HNF4G: variants seen among roughly 807,000 people sequenced by gnomAD.
HNF4G encodes the protein hepatocyte nuclear factor 4-gamma.
A neutral mutation model predicts 50.9 loss-of-function variants in HNF4G; 21 were observed. The ratio of observed to expected loss-of-function variants is 0.41; its 90% CI spans 0.29 to 0.59. The LOEUF (loss-of-function observed/expected upper bound fraction) is 0.59. HNF4G is among the 20% of genes least tolerant of loss of function. The probability of loss-of-function intolerance (pLI) is 0.26; values close to 1 mark genes in which losing one functional copy is unlikely to be tolerated. For synonymous variants in HNF4G, 198 were observed against 185.6 expected, an observed-to-expected ratio of 1.07 and a Z score of -0.54; for missense variants, 527 against 559.4, an observed-to-expected ratio of 0.94 and a Z score of 0.58.
intron 1 of HNF4G, among the ~76,000 whole-genome samples, chr8:75,420,132 C>T (rs1810743498): frequency 6.6e-6 from 1 of 151,878 alleles, no homozygotes; most frequent in Non-Finnish European, 1.5e-5. Context: ...CTGTCTTCTC[C>T]TTACACATCT....
chr8:75,509,328 A>C (rs1347502635), intron 2 of HNF4G, among the ~76,000 whole-genome samples: 1 of 152,224 alleles, frequency 6.6e-6, no homozygotes, highest in East Asian at 1.9e-4. Flanking sequence ...TCAAAGATTC[A>C]TATTTGGTGT....
chr8:75,464,415 C>A (rs762180182), intron 1 of HNF4G, among the ~76,000 whole-genome samples: 58 of 152,144 alleles, frequency 3.8e-4, no homozygotes, highest in African/African-American at 1.1e-3. Flanking sequence ...TTGTTTCCTG[C>A]ACTAAATTTG....
In HNF4G at chr8:75,544,033, A is replaced by G. The variant is rs1179375800; in HGVS notation, c.287+54A>G. On this transcript the variant is annotated intron_variant, in intron 2 of 9. Coordinates refer to ENST00000396423, the MANE Select transcript of HNF4G (RefSeq NM_004133.5). ...ATCTTTACAGATGTTTCAGTTTGGCACGCAAAAAGTAAGAGAAGAAAATTC... is the reference window on the plus strand; with the variant it reads ...ATCTTTACAGATGTTTCAGTTTGGCGCGCAAAAAGTAAGAGAAGAAAATTC... 2.7e-6 allele frequency: 4 copies of G among 1,460,396 alleles called. No individual in the cohort carries two copies. In the African/African-American group the frequency reaches 4.3e-5, roughly 16 times the overall value. The allele number at this position is 1,460,396 out of a possible 1,614,324, so 90.5% of individuals were successfully genotyped here.
intron 5 of HNF4G, 49 bp from the exon 6 acceptor site, chr8:75,555,933 A>T: frequency 9.7e-7 from 1 of 1,026,630 alleles, no homozygotes; most frequent in Non-Finnish European, 1.4e-6. Context: ...GTCATCTTTT[A>T]ATCATTATAT....
chr8:75,562,109 C>T (rs1585962454), intron 9 of HNF4G, among the ~76,000 whole-genome samples: 1 of 150,184 alleles, frequency 6.7e-6, no homozygotes, highest in East Asian at 2.0e-4. Flanking sequence ...ACTGAATTTA[C>T]AATAGTCTTT....
At chr8:75,505,484 G>GT (rs1416499092) in intron 2 of HNF4G, among the ~76,000 whole-genome samples, 1 of 152,016 alleles carries the variant, frequency 6.6e-6, no homozygotes, top group Non-Finnish European at 1.5e-5. Context: ...ACAGTACAAA[G>GT]GTCTCAAAAG....
Position 75,558,456 on chromosome 8 carries a change from C to A in HNF4G, c.734-62C>A, listed in dbSNP as rs1281194083. 6 of 1,499,020 alleles carry A rather than the reference C, an allele frequency of 4.0e-6. No homozygotes were observed. In the South Asian group the frequency reaches 7.3e-5, roughly 18 times the overall value. 92.9% of individuals were successfully genotyped at this position (1,499,020 alleles called of 1,614,324 possible). On this transcript the variant is annotated intron_variant, in intron 6 of 9. Transcript: ENST00000396423. ...CCGGTTTGTTAAATTTTAAACAGTG[C>A]TGACAATTTGGGGAGACAGGTGGTT...
At chr8:75,487,146 A>G (rs1293571735) in intron 1 of HNF4G, among the ~76,000 whole-genome samples, 1 of 152,240 alleles carries the variant, frequency 6.6e-6, no homozygotes, top group Non-Finnish European at 1.5e-5. Context: ...GACAACCTTT[A>G]TATTCCACTA....
intron 2 of HNF4G, among the ~76,000 whole-genome samples, chr8:75,530,856 G>A (rs1473118460): frequency 1.4e-5 from 2 of 145,698 alleles, no homozygotes; most frequent in Admixed American, 6.9e-5. Flanking sequence ...GCAGTTGTGC[G>A]ATCTCGGTTC....
At chr8:75,466,871 A>T (rs748118839) in intron 1 of HNF4G, among the ~76,000 whole-genome samples, 8 of 151,560 alleles carry the variant, frequency 5.3e-5, no homozygotes, top group Non-Finnish European at 1.0e-4. Flanking sequence ...TTTTGTAGAG[A>T]TGGGGTTTTG....
intron 2 of HNF4G, among the ~76,000 whole-genome samples, chr8:75,504,592 T>C (rs1325156275): frequency 2.0e-5 from 3 of 152,214 alleles, no homozygotes; most frequent in South Asian, 2.1e-4. Context: ...ACACATAATG[T>C]CATTTACAAA....
rs769488246 is a variant in HNF4G, at chr8:75,425,068, ATTTAT to A, written c.-144+16909_-144+16913del. Among the ~76,000 whole-genome samples the A allele has an allele frequency of 2.5e-4, 29 of 116,982 alleles. 1 individual carries two copies. The highest frequency in any genetic ancestry group is 4.0e-4 in the Non-Finnish European group (19 of 47,722). The allele number at this position is 116,982 out of a possible 152,430, so 76.7% of individuals were successfully genotyped here. ...TCACCAACATCAATGCAGCCTATTT[ATTTAT>A]TTATTTATTTATTTATTTATTTATT... On this transcript the variant is annotated intron_variant, in intron 1 of 10. Coordinates refer to the HNF4G transcript ENST00000354370.
rs773553289 is a variant in HNF4G, at chr8:75,556,012, C to A, written c.676C>A (p.His226Asn). The A allele has an allele frequency of 5.7e-6, 9 of 1,583,082 alleles. No homozygotes were observed. Among genetic ancestry groups the A allele is most frequent in the Non-Finnish European group, 7.7e-6 (9 of 1,163,468 alleles). ...VALLRAHAGE[H>N]LLLGATKRSM... The stretch of plus-strand genomic sequence containing the variant: ...ACTGTTGAGAGCTCACGCAGGGGAG[C>A]ACTTACTGCTTGGAGCTACAAAGAG... The change falls in exon 6 of 10, where the codon CAC becomes AAC. Residue 226 changes from histidine to asparagine, a missense_variant. By Grantham distance (68) the His-to-Asn change is moderately conservative (BLOSUM62 1). Coordinates refer to ENST00000396423, the MANE Select transcript of HNF4G (RefSeq NM_004133.5).
At chr8:75,454,917 T>C (rs1435707331) in intron 1 of HNF4G, among the ~76,000 whole-genome samples, 1 of 152,192 alleles carries the variant, frequency 6.6e-6, no homozygotes, top group South Asian at 2.1e-4. Context: ...AAAGGAGTTT[T>C]ATAAGGAAAT....
At chr8:75,414,108 A>C (rs1810571137) in intron 1 of HNF4G, among the ~76,000 whole-genome samples, 1 of 152,096 alleles carries the variant, frequency 6.6e-6, no homozygotes. Flanking sequence ...CCATTACCAC[A>C]ATGAAGACAA....
intron 2 of HNF4G, among the ~76,000 whole-genome samples, chr8:75,495,679 A>G (rs898962846): frequency 7.9e-5 from 12 of 152,074 alleles, no homozygotes; most frequent in African/African-American, 2.7e-4. Context: ...ATGAGCCCAC[A>G]GGCCCGTCCC....
intron 2 of HNF4G, among the ~76,000 whole-genome samples, chr8:75,497,846 A>T (rs1315286783): frequency 6.6e-6 from 1 of 152,192 alleles, no homozygotes; most frequent in Non-Finnish European, 1.5e-5. Context: ...ATTTAATATT[A>T]TCCTGTCTTT....
intron 1 of HNF4G, among the ~76,000 whole-genome samples, chr8:75,436,570 T>C (rs1811146641): frequency 6.6e-6 from 1 of 151,998 alleles, no homozygotes; most frequent in Non-Finnish European, 1.5e-5. Context: ...AAACTGGTAG[T>C]TAATATAGAA....
intron 2 of HNF4G, among the ~76,000 whole-genome samples, chr8:75,507,100 C>T (rs1805604755): frequency 1.3e-5 from 2 of 152,012 alleles, no homozygotes; most frequent in South Asian, 4.1e-4. Flanking sequence ...TTGTAAAATA[C>T]ACATTTTGTG....
Sources: gnomAD v4.1 joint callset for allele counts (sites outside exome capture counted in the v4.1 genomes callset) on GRCh38, gnomAD v4.1.1 for gene constraint, MANE v1.5 for transcripts, NCBI Gene and HGNC (gene_info 2026-07-23, HGNC 2026-07-21) for gene names.